The following RRM1 variants were observed in gnomAD, a reference collection of about 807,000 sequenced individuals.
RRM1 encodes the protein ribonucleotide reductase catalytic subunit M1.
Under a neutral mutation model 101.5 loss-of-function variants are expected in RRM1, and 19 were observed. That is an observed-to-expected ratio of 0.19 (90% CI 0.13 to 0.27). The LOEUF (loss-of-function observed/expected upper bound fraction) is 0.27, where lower values mean the gene tolerates loss of function less well. RRM1 is among the 10% of genes least tolerant of loss of function. RRM1 has a pLI of 1.00. For missense variants in RRM1, 500 were observed against 962.9 expected (o/e 0.52, Z 6.36); for synonymous variants, 298 against 323.4 (o/e 0.92, Z 0.84).
intron 12 of RRM1, among the ~76,000 whole-genome samples, chr11:4,123,707 A>G (rs1393584444): frequency 1.3e-5 from 2 of 152,168 alleles, no homozygotes; most frequent in African/African-American, 2.4e-5. Context: ...TGTACATTCA[A>G]TTTAAACTAT....
intron 1 of RRM1, among the ~76,000 whole-genome samples, chr11:4,098,925 C>A (rs543063263): frequency 6.6e-6 from 1 of 152,190 alleles, no homozygotes; most frequent in African/African-American, 2.4e-5. Flanking sequence ...CTCTGAGAAG[C>A]CAACATTTGA....
chr11:4,110,138 C>A (rs1177121849), intron 5 of RRM1, among the ~76,000 whole-genome samples: 1 of 151,976 alleles, frequency 6.6e-6, no homozygotes, highest in African/African-American at 2.4e-5. Flanking sequence ...AAAATTTCAA[C>A]AACAAATTTA....
At chr11:4,109,530 C>T in intron 4 of RRM1, 114 bp from the exon 5 acceptor site, 1 of 659,554 alleles carries the variant, frequency 1.5e-6, no homozygotes, top group Non-Finnish European at 2.5e-6. Flanking sequence ...TTAGTGTTAT[C>T]TCATTGTATC....
chr11:4,134,694 C>T (rs2094606056), intron 17 of RRM1, among the ~76,000 whole-genome samples: 4 of 152,226 alleles, frequency 2.6e-5, no homozygotes, highest in Admixed American at 2.6e-4. Flanking sequence ...CTGTGAATTA[C>T]AGCCCTTATT....
At chr11:4,124,107 G>A (rs1207959281) in intron 12 of RRM1, among the ~76,000 whole-genome samples, 1 of 152,214 alleles carries the variant, frequency 6.6e-6, no homozygotes, top group Non-Finnish European at 1.5e-5. Flanking sequence ...GGAATATGGA[G>A]AGATGGCTAT....
chr11:4,136,758 T>A (rs908658792), intron 18 of RRM1, among the ~76,000 whole-genome samples: 5 of 150,294 alleles, frequency 3.3e-5, no homozygotes, highest in African/African-American at 5.0e-5. Context: ...TTGTTTGTTT[T>A]TTCTTTTTAT....
Position 4,121,663 on chromosome 11 carries a change from T to C in RRM1, c.936T>C (p.Leu312=). The change falls in exon 10 of 19, where the codon CTT becomes CTC. Residue 312 remains leucine (L), a synonymous_variant. Transcript: ENST00000300738. ...EPWHLDIFEF[L]DLKKNTGKEE... is the part of the protein sequence containing the mutation. ...GGCATTTAGACATCTTTGAATTCCT[T>C]GATTTAAAGAAGAACACAGGAAAGG... 2.5e-6 allele frequency: 4 copies of C among 1,613,796 alleles called. No homozygotes were observed. The South Asian group carries it at 4.4e-5, about 18-fold the overall frequency.
chr11:4,133,538 A>T (rs1414475718), intron 16 of RRM1, 25 bp from the exon 17 acceptor site: 2 of 1,417,288 alleles, frequency 1.4e-6, no homozygotes, highest in Non-Finnish European at 2.0e-6. Flanking sequence ...TTATTTCTTC[A>T]TACATTTTCT....
chr11:4,107,355 C>T, intron 3 of RRM1, 80 bp from the exon 4 acceptor site: 3 of 967,208 alleles, frequency 3.1e-6, no homozygotes, highest in Non-Finnish European at 4.9e-6. Flanking sequence ...TTGAGAACCA[C>T]TGTTTTCAAC....
At chr11:4,110,633 G>A (rs1809790691) in intron 5 of RRM1, among the ~76,000 whole-genome samples, 2 of 151,750 alleles carry the variant, frequency 1.3e-5, no homozygotes, top group Admixed American at 6.6e-5. Context: ...GCTGGGCATG[G>A]TGGTGCATGC....
intron 3 of RRM1, among the ~76,000 whole-genome samples, chr11:4,106,782 T>G (rs1477765633): frequency 6.6e-6 from 1 of 152,076 alleles, no homozygotes; most frequent in Non-Finnish European, 1.5e-5. Context: ...ATAGCAAATA[T>G]GTAAATTAGT....
At chr11:4,126,644 TA>T (rs2094590026) in intron 12 of RRM1, 39 bp from the exon 13 acceptor site, 6 of 1,574,374 alleles carry the variant, frequency 3.8e-6, no homozygotes, top group Non-Finnish European at 5.2e-6. Flanking sequence ...GAAGTAGAAA[TA>T]AAAATTGTGT....
intron 1 of RRM1, among the ~76,000 whole-genome samples, chr11:4,097,050 T>A (rs976566601): frequency 6.7e-6 from 1 of 148,170 alleles, no homozygotes; most frequent in Non-Finnish European, 1.5e-5. Flanking sequence ...TTTGGGAGGC[T>A]GAGGTGGGTG....
intron 9 of RRM1, 59 bp from the exon 10 acceptor site, chr11:4,121,545 C>A: frequency 1.5e-6 from 2 of 1,363,478 alleles, no homozygotes; most frequent in Admixed American, 2.1e-5. Context: ...CTTTGGGAGA[C>A]ATGATGTTTC....
intron 14 of RRM1, 51 bp from the exon 15 acceptor site, chr11:4,129,022 TG>T: frequency 1.3e-5 from 13 of 1,025,864 alleles, no homozygotes; most frequent in East Asian, 2.5e-5. Flanking sequence ...TTTTTTTTTT[TG>T]GTCATAGTTT....
chr11:4,109,463 T>C lies in RRM1; in HGVS notation c.388-181T>C, dbSNP rs143161119. On this transcript the variant is annotated intron_variant, in intron 4 of 18. Transcript: ENST00000300738. ...ACCTAATTAGGATACTTAATTTATA[T>C]GTATTGTTTCTTTTTTTTAGAATGT... Among the ~76,000 whole-genome samples the C allele has an allele frequency of 2.0e-3, 311 of 152,230 alleles. 6 individuals are homozygous for C. In the East Asian group the frequency reaches 0.049, roughly 24 times the overall value.
intron 17 of RRM1, 151 bp from the exon 18 acceptor site, chr11:4,134,931 A>C (rs1203477476): frequency 4.3e-6 from 2 of 463,708 alleles, no homozygotes; most frequent in Non-Finnish European, 7.3e-6. Context: ...GTCTTGGTAA[A>C]CTTGATAAGG....
intron 12 of RRM1, among the ~76,000 whole-genome samples, chr11:4,124,700 T>G (rs1328588880): frequency 1.3e-5 from 2 of 152,104 alleles, no homozygotes; most frequent in African/African-American, 2.4e-5. Flanking sequence ...AATTCCTTTT[T>G]TTTCGGGGGG....
chr11:4,129,830 C>T (rs749011032), intron 15 of RRM1, among the ~76,000 whole-genome samples: 20 of 151,618 alleles, frequency 1.3e-4, no homozygotes, highest in Middle Eastern at 3.4e-3. Flanking sequence ...AAAAAATAAC[C>T]GTTTGCCTTA....
Sources: allele counts gnomAD v4.1 joint callset (sites outside exome capture counted in the v4.1 genomes callset), GRCh38; gene constraint gnomAD v4.1.1; transcripts MANE v1.5; gene names NCBI Gene and HGNC (gene_info 2026-07-23, HGNC 2026-07-21).